SASH1: variants seen among roughly 807,000 people sequenced by gnomAD.
SASH1 encodes the protein SAM and SH3 domain containing 1.
Under a neutral mutation model 125.2 loss-of-function variants are expected in SASH1, and 44 were observed. That is an observed-to-expected ratio of 0.35 (90% CI 0.28 to 0.45). The LOEUF (loss-of-function observed/expected upper bound fraction) is 0.45. Among genes scored for constraint, SASH1 ranks in the 20% least tolerant of loss-of-function variants. SASH1 has a pLI of 1.00. For missense variants in SASH1, 1,426 were observed against 1,614.5 expected (o/e 0.88, Z 2.00); for synonymous variants, 639 against 649.1 (o/e 0.98, Z 0.24).
At position 148,532,600 on chromosome 6, in the gene SASH1, C is replaced by A. The variant is rs1264686264; in HGVS notation, c.1565-197C>A. Among the ~76,000 whole-genome samples, 1 of 152,192 alleles carries A rather than the reference C, an allele frequency of 6.6e-6. No individual in the cohort carries two copies. The highest frequency in any genetic ancestry group is 1.9e-4 in the East Asian group (1 of 5,204). The stretch of plus-strand genomic sequence containing the variant: ...ATGAGGGTAACTTGCTGTGAGTCCC[C>A]TGTCCACTGAGGAGCTGAGGGATAG... On this transcript the variant is annotated intron_variant, in intron 13 of 19. Transcript: ENST00000367467. This position sits in a 1 kb window ranked among gnomAD's most constrained non-coding sequence, Gnocchi z 4.7.
intron 1 of SASH1, among the ~76,000 whole-genome samples, chr6:148,367,133 A>C (rs1430553995): frequency 6.6e-6 from 1 of 152,042 alleles, no homozygotes; most frequent in Non-Finnish European, 1.5e-5. Flanking sequence ...CACATTGGCC[A>C]GGCTGGTCTC....
At chr6:148,440,144 G>C (rs1338911786) in intron 2 of SASH1, 40 bp from the exon 3 acceptor site, 5 of 1,602,660 alleles carry the variant, frequency 3.1e-6, no homozygotes, top group Non-Finnish European at 4.3e-6. Flanking sequence ...CGTGTGACAT[G>C]TTTGGAAGTC....
Position 148,440,099 on chromosome 6 carries a change from C to G in SASH1, c.286-85C>G. ...TATACCCCAACCTTTCCCGAATCCT[C>G]CCCTCTCTTCTTACATGTCTATTTG... On this transcript the variant is annotated intron_variant, in intron 2 of 19. Transcript: ENST00000367467. 8 of 1,290,196 alleles carry G rather than the reference C, an allele frequency of 6.2e-6. 2 individuals are homozygous for G. The Middle Eastern group carries it at 1.5e-3, about 236-fold the overall frequency. The allele number at this position is 1,290,196 out of a possible 1,614,324, so 79.9% of individuals were successfully genotyped here. A position where few individuals can be genotyped will look rare whatever the true frequency, so the allele number is the denominator to read the frequency against.
upstream of SASH1, among the ~76,000 whole-genome samples, chr6:148,340,542 T>C (rs1432188492): frequency 6.6e-6 from 1 of 151,712 alleles, no homozygotes; most frequent in Non-Finnish European, 1.5e-5. Flanking sequence ...TTCTTAAATA[T>C]ACCAATACAG....
the SASH1 span, among the ~76,000 whole-genome samples, chr6:148,211,983 G>A: frequency 2.0e-5 from 3 of 152,162 alleles, no homozygotes; most frequent in African/African-American, 4.8e-5. Flanking sequence ...AGCCGCTCTC[G>A]GGCATACTTG....
intron 1 of SASH1, among the ~76,000 whole-genome samples, chr6:148,347,728 T>C (rs149829516): frequency 9.3e-4 from 140 of 150,120 alleles, no homozygotes; most frequent in African/African-American, 3.3e-3. Context: ...ATTTCAAATA[T>C]TCTGACTTCA....
chr6:148,220,370 G>A, the SASH1 span, among the ~76,000 whole-genome samples: 6,514 of 152,208 alleles, frequency 0.043, 176 homozygotes, highest in East Asian at 0.062. Context: ...CCCTCCAGCC[G>A]TCTTGTAAGG....
chr6:148,303,523 G>A (rs559046379), intron 1 of SASH1, among the ~76,000 whole-genome samples: 152 of 152,258 alleles, frequency 1.0e-3, no homozygotes, highest in African/African-American at 3.4e-3. Flanking sequence ...TAGGCTGGGC[G>A]CAGTGGCTCA....
rs1487561227 is a variant in SASH1, at chr6:148,450,509, G to T, written c.386+10102G>T. Among the ~76,000 whole-genome samples the T allele has an allele frequency of 5.3e-5, 8 of 151,940 alleles. No individual in the cohort carries two copies. The East Asian group carries it at 1.4e-3, about 26-fold the overall frequency. ...CTGCTTCTCACTGAGTACTTTCTCA[G>T]TCTCTTAACTGTCTGTATCCTCTCC... is the stretch of plus-strand genomic sequence containing the variant. On this transcript the variant is annotated intron_variant, in intron 4 of 19. Coordinates refer to ENST00000367467, the MANE Select transcript of SASH1 (RefSeq NM_015278.5).
chr6:148,510,465 T>G (rs1446389265), intron 8 of SASH1, among the ~76,000 whole-genome samples: 1 of 152,168 alleles, frequency 6.6e-6, no homozygotes, highest in Non-Finnish European at 1.5e-5. Flanking sequence ...GAATATATAC[T>G]TTTATTTTTT....
chr6:148,307,110 C>CT (rs1780165508), intron 1 of SASH1, among the ~76,000 whole-genome samples: 1 of 143,450 alleles, frequency 7.0e-6, no homozygotes. Context: ...CTCTCTGTCT[C>CT]TTTCTTTCTT....
chr6:148,440,288 T>C (rs1448423568), intron 3 of SASH1, 54 bp downstream of exon 3: 2 of 1,609,032 alleles, frequency 1.2e-6, no homozygotes, highest in Non-Finnish European at 1.7e-6. Context: ...TTTTTTTAAG[T>C]GACACTCTGT....
the SASH1 span, among the ~76,000 whole-genome samples, chr6:148,201,202 A>T: frequency 6.6e-6 from 1 of 152,236 alleles, no homozygotes; most frequent in African/African-American, 2.4e-5. Context: ...TGACACGATC[A>T]TAATAATTAA....
At chr6:148,291,998 G>GGA (rs1224537008) in intron 1 of SASH1, among the ~76,000 whole-genome samples, 2 of 152,158 alleles carry the variant, frequency 1.3e-5, no homozygotes, top group Non-Finnish European at 2.9e-5. Context: ...CTGAGAAAGA[G>GGA]TGGCTAGCAT....
Position 148,540,252 on chromosome 6 carries a change from C to T in SASH1, c.2096-191C>T, listed in dbSNP as rs75489174. Reference sequence around the variant, plus strand: ...TGTGTGCTCTCTCCAAACTTATCTTCGTGCGATGAATACCTTATTGGAAGA... The same window carrying T: ...TGTGTGCTCTCTCCAAACTTATCTTTGTGCGATGAATACCTTATTGGAAGA... On this transcript the variant is annotated intron_variant, in intron 16 of 19. Transcript: ENST00000367467. Among the ~76,000 whole-genome samples, 20 of 152,292 alleles carry T rather than the reference C, an allele frequency of 1.3e-4. No individual in the cohort carries two copies. The East Asian group carries it at 2.3e-3, about 18-fold the overall frequency.
intron 8 of SASH1, among the ~76,000 whole-genome samples, chr6:148,502,833 A>T (rs1779615920): frequency 1.3e-5 from 2 of 152,204 alleles, no homozygotes; most frequent in African/African-American, 4.8e-5. Context: ...CCCTAAACCC[A>T]TGGCAGTTTC....
At chr6:148,524,121 A>ATTTTTT (rs796565408) in intron 10 of SASH1, among the ~76,000 whole-genome samples, 17 of 128,600 alleles carry the variant, frequency 1.3e-4, no homozygotes, top group Admixed American at 3.9e-4. Context: ...ATATATATAT[A>ATTTTTT]TTTTTTTTAA....
chr6:148,459,573 C>T (rs368791000), intron 4 of SASH1, among the ~76,000 whole-genome samples: 45 of 152,226 alleles, frequency 3.0e-4, no homozygotes, highest in African/African-American at 9.1e-4. Context: ...TGGGATCTGT[C>T]CTTGGCCTGG....
chr6:148,539,838 G>A (rs959890703), intron 16 of SASH1, among the ~76,000 whole-genome samples: 7 of 152,116 alleles, frequency 4.6e-5, no homozygotes, highest in African/African-American at 1.7e-4. Flanking sequence ...GAGTTTTGGG[G>A]TTTGTGCCTC....
Sources: allele counts gnomAD v4.1 joint callset (sites outside exome capture counted in the v4.1 genomes callset), GRCh38; gene constraint gnomAD v4.1.1; non-coding constraint Gnocchi (gnomAD v3.1); transcripts MANE v1.5; gene names NCBI Gene and HGNC (gene_info 2026-07-23, HGNC 2026-07-21).